CTNNA2: variants seen among roughly 807,000 people sequenced by gnomAD.
The protein encoded by CTNNA2 is catenin alpha 2, also known as catenin alpha-2.
In CTNNA2, 42 loss-of-function variants were observed where a neutral mutation model predicts 101.0. The observed-to-expected ratio is 0.42, with a 90% confidence interval of 0.32 to 0.54. The LOEUF (loss-of-function observed/expected upper bound fraction) is 0.54. CTNNA2 is among the 20% of genes least tolerant of loss of function. CTNNA2 has a pLI of 0.14. For synonymous variants in CTNNA2, 450 were observed against 456.4 expected, an observed-to-expected ratio of 0.99 and a Z score of 0.18; for missense variants, 871 against 1,223.1, an observed-to-expected ratio of 0.71 and a Z score of 4.29.
chr2:79,661,743 GA>G (rs1299942866), intron 2 of CTNNA2, among the ~76,000 whole-genome samples: 2 of 152,100 alleles, frequency 1.3e-5, no homozygotes, highest in Non-Finnish European at 2.9e-5. Flanking sequence ...AGAAAAAGGG[GA>G]AAGGTGCTAA....
At chr2:80,220,092 C>A (rs1708492114) in intron 7 of CTNNA2, among the ~76,000 whole-genome samples, 1 of 152,176 alleles carries the variant, frequency 6.6e-6, no homozygotes, top group Non-Finnish European at 1.5e-5. Context: ...ACAAAGGATA[C>A]TGAATGCAGT....
intron 3 of CTNNA2, among the ~76,000 whole-genome samples, chr2:79,328,715 A>G (rs1311891865): frequency 6.6e-6 from 1 of 152,180 alleles, no homozygotes; most frequent in Admixed American, 6.5e-5. Context: ...AGAAAGTCCT[A>G]TTACAATGGG....
At chr2:80,193,710 C>G (rs1706666867) in intron 7 of CTNNA2, among the ~76,000 whole-genome samples, 1 of 152,138 alleles carries the variant, frequency 6.6e-6, no homozygotes, top group African/African-American at 2.4e-5. Flanking sequence ...GAGCTCTTAT[C>G]ATGTGTAACA....
At chr2:79,972,277 G>A (rs1690538661) in intron 7 of CTNNA2, among the ~76,000 whole-genome samples, 1 of 152,142 alleles carries the variant, frequency 6.6e-6, no homozygotes, top group Non-Finnish European at 1.5e-5. Flanking sequence ...GGATAGAGAA[G>A]AAGATACAGC....
At chr2:80,367,227 ACT>A (rs1223306138) in intron 7 of CTNNA2, among the ~76,000 whole-genome samples, 5 of 152,084 alleles carry the variant, frequency 3.3e-5, no homozygotes, top group Admixed American at 6.6e-5. Flanking sequence ...TCATTATCAC[ACT>A]GTTTTTCCCT....
At chr2:80,193,498 A>G (rs1305099797) in intron 7 of CTNNA2, among the ~76,000 whole-genome samples, 1 of 152,196 alleles carries the variant, frequency 6.6e-6, no homozygotes, top group Non-Finnish European at 1.5e-5. Flanking sequence ...TCTCCATTTT[A>G]CAGATGCAGA....
intron 3 of CTNNA2, among the ~76,000 whole-genome samples, chr2:79,325,142 G>GGA (rs1187021602): frequency 6.6e-6 from 1 of 152,122 alleles, no homozygotes; most frequent in Non-Finnish European, 1.5e-5. Context: ...CAGACACATA[G>GGA]GAGAGAGAGT....
Position 79,259,969 on chromosome 2 carries a change from G to T in CTNNA2, c.-405-52740G>T, listed in dbSNP as rs576627147. Reference sequence around the variant, plus strand: ...TAAATGTATTTTCCAAAATGAGAAAGTAAAGATAGGAGCAGATGCTACCTA... The same window carrying T: ...TAAATGTATTTTCCAAAATGAGAAATTAAAGATAGGAGCAGATGCTACCTA... On this transcript the variant is annotated intron_variant, in intron 2 of 21. Transcript: ENST00000466387. Among the ~76,000 whole-genome samples the T allele has an allele frequency of 8.0e-4, 122 of 152,298 alleles. 1 individual carries two copies. Among genetic ancestry groups the T allele is most frequent in the African/African-American group, 2.8e-3 (118 of 41,572 alleles).
rs778479901 is a variant in CTNNA2 at position 80,574,177 on chromosome 2, G to A, written c.1756G>A (p.Ala586Thr). The change falls in exon 13 of 19, where the codon GCT (alanine) becomes ACT (threonine). Residue 586 changes from alanine to threonine, a missense_variant. By Grantham distance (58) the Ala-to-Thr change is moderately conservative. This residue lies in a region of CTNNA2 where 647 missense variants were observed against 831.5 expected (regional missense o/e 0.78). Coordinates refer to ENST00000402739, the MANE Select transcript of CTNNA2 (RefSeq NM_001282597.3). ...LLSETVMPRF[A>T]EQVEVAIEAL... ...TTTTAACCCAGTGATGCCACGCTTC[G>A]CTGAACAAGTAGAGGTTGCCATTGA... 5.0e-6 allele frequency: 8 copies of A among 1,612,210 alleles called. No individual in the cohort carries two copies. In the Admixed American group the frequency reaches 5.0e-5, roughly 10 times the overall value.
chr2:80,244,285 A>G (rs2149095596), intron 7 of CTNNA2, among the ~76,000 whole-genome samples: 1 of 152,344 alleles, frequency 6.6e-6, no homozygotes, highest in South Asian at 2.1e-4. Flanking sequence ...TAGATTGACT[A>G]ACATGTGATG....
intron 7 of CTNNA2, among the ~76,000 whole-genome samples, chr2:79,969,662 A>G (rs951494678): frequency 6.6e-6 from 1 of 152,186 alleles, no homozygotes; most frequent in Non-Finnish European, 1.5e-5. Flanking sequence ...TTTAGCTTAT[A>G]ACTTAAACAG....
At chr2:79,604,455 C>G (rs1393493334) in intron 1 of CTNNA2, among the ~76,000 whole-genome samples, 4 of 152,148 alleles carry the variant, frequency 2.6e-5, no homozygotes, top group African/African-American at 9.7e-5. Flanking sequence ...CCAGTCAGAT[C>G]CTGGTGGATT....
At chr2:80,425,314 TTTG>T (rs1265078620) in intron 9 of CTNNA2, among the ~76,000 whole-genome samples, 12 of 152,328 alleles carry the variant, frequency 7.9e-5, no homozygotes, top group South Asian at 4.1e-4. Context: ...TTTATGGTGT[TTTG>T]TTGTTGTTGT....
chr2:80,391,375 T>C (rs942907004), intron 7 of CTNNA2, among the ~76,000 whole-genome samples: 1 of 152,176 alleles, frequency 6.6e-6, no homozygotes, highest in East Asian at 1.9e-4. Context: ...TCAGTAATTA[T>C]TTTGTGTATC....
At chr2:80,322,758 A>G (rs1678838773) in intron 7 of CTNNA2, among the ~76,000 whole-genome samples, 1 of 152,126 alleles carries the variant, frequency 6.6e-6, no homozygotes, top group Non-Finnish European at 1.5e-5. Flanking sequence ...AGCATGTGAG[A>G]GAGATTGTCT....
chr2:80,411,282 C>CT (rs34703746), intron 8 of CTNNA2, among the ~76,000 whole-genome samples: 4 of 151,414 alleles, frequency 2.6e-5, no homozygotes, highest in African/African-American at 9.7e-5. Context: ...ACAAGTTCTC[C>CT]TTTTTTTTTC....
At chr2:79,810,101 A>T (rs911391512) in intron 3 of CTNNA2, among the ~76,000 whole-genome samples, 10 of 152,326 alleles carry the variant, frequency 6.6e-5, no homozygotes, top group African/African-American at 2.4e-4. Context: ...AATGGGCTAA[A>T]TGCCCCAATT....
intron 3 of CTNNA2, among the ~76,000 whole-genome samples, chr2:79,366,408 G>A (rs1181290064): frequency 6.6e-6 from 1 of 152,120 alleles, no homozygotes. Context: ...TGTTTGTGGG[G>A]CCTGTTTGGT....
intron 7 of CTNNA2, among the ~76,000 whole-genome samples, chr2:80,154,999 GACCACA>G (rs1703922369): frequency 1.3e-5 from 2 of 150,736 alleles, no homozygotes; most frequent in African/African-American, 4.9e-5. Context: ...CATGGAAAAT[GACCACA>G]TTTTCCAAAA....
Sources: allele counts gnomAD v4.1 joint callset (sites outside exome capture counted in the v4.1 genomes callset), GRCh38; gene constraint gnomAD v4.1.1; regional missense constraint gnomAD v4.1.1; transcripts MANE v1.5; gene names NCBI Gene and HGNC (gene_info 2026-07-23, HGNC 2026-07-21).